KCNIP4: variants seen among roughly 807,000 people sequenced by gnomAD.
The protein encoded by KCNIP4 is potassium voltage-gated channel interacting protein 4.
In KCNIP4, 12 loss-of-function variants were observed where a neutral mutation model predicts 34.0. The observed-to-expected ratio is 0.35, with a 90% confidence interval of 0.23 to 0.57. The LOEUF is 0.57. KCNIP4 is among the 20% of genes least tolerant of loss of function. KCNIP4 has a pLI of 0.83. For synonymous variants in KCNIP4, 124 were observed against 102.2 expected, an observed-to-expected ratio of 1.21 and a Z score of -1.29; for missense variants, 238 against 311.7, an observed-to-expected ratio of 0.76 and a Z score of 1.78.
intron 1 of KCNIP4, among the ~76,000 whole-genome samples, chr4:21,394,955 AAGCACTGGGCTCAC>A (rs869228804): frequency 7.7e-5 from 1 of 12,966 alleles, no homozygotes; most frequent in South Asian, 2.3e-3. Context: ...CTGGGCTCAC[AAGCACTGGGCTCAC>A]AAAGACTAAG....
intron 1 of KCNIP4, among the ~76,000 whole-genome samples, chr4:21,150,433 C>T (rs1013172311): frequency 2.1e-5 from 3 of 144,846 alleles, no homozygotes; most frequent in African/African-American, 8.7e-5. Flanking sequence ...TGGGATGGCT[C>T]CCCTGACTGT....
intron 1 of KCNIP4, among the ~76,000 whole-genome samples, chr4:21,638,907 G>C (rs557678359): frequency 1.3e-5 from 2 of 152,078 alleles, no homozygotes; most frequent in African/African-American, 4.8e-5. Flanking sequence ...AAGGTATCCA[G>C]GTGTGTTCTG....
chr4:20,956,831 T>C (rs1220147636), intron 1 of KCNIP4, among the ~76,000 whole-genome samples: 1 of 152,196 alleles, frequency 6.6e-6, no homozygotes, highest in Non-Finnish European at 1.5e-5. Context: ...TAGCTTTTAA[T>C]AGAACTGAAT....
intron 1 of KCNIP4, among the ~76,000 whole-genome samples, chr4:21,515,238 T>G (rs1734657896): frequency 6.6e-6 from 1 of 152,186 alleles, no homozygotes; most frequent in African/African-American, 2.4e-5. Flanking sequence ...ACTTCTGTAC[T>G]GCCATACTCA....
chr4:21,505,196 T>C (rs1450215165), intron 1 of KCNIP4, among the ~76,000 whole-genome samples: 1 of 152,110 alleles, frequency 6.6e-6, no homozygotes, highest in Non-Finnish European at 1.5e-5. Flanking sequence ...GTTCTTGAAC[T>C]GGTTCTGTGA....
intron 1 of KCNIP4, among the ~76,000 whole-genome samples, chr4:21,025,473 TGAGAGAGAGAGAGAGA>T (rs33926876): frequency 0.35 from 33,300 of 94,932 alleles, 5,261 homozygotes; most frequent in South Asian, 0.45. Flanking sequence ...TGAAAACAAC[TGAGAGAGAGAGAGAGA>T]GAGAGAGAGA....
At chr4:21,174,886 A>T (rs2109306171) in intron 1 of KCNIP4, among the ~76,000 whole-genome samples, 1 of 147,904 alleles carries the variant, frequency 6.8e-6, no homozygotes, top group African/African-American at 2.5e-5. Flanking sequence ...TGGGTGACAG[A>T]GCGAGACACT....
At position 21,353,950 on chromosome 4, in the gene KCNIP4, T is replaced by C. The variant is rs542209897; in HGVS notation, c.62-471241A>G. ...GCCCATTAGACTAACAGTGGATCTCTTGGCAGAAACCCTACAACCCAGAAG... is the reference window on the plus strand; with the variant it reads ...GCCCATTAGACTAACAGTGGATCTCCTGGCAGAAACCCTACAACCCAGAAG... On this transcript the variant is annotated intron_variant, in intron 1 of 8. Coordinates refer to ENST00000382152, the MANE Select transcript of KCNIP4 (RefSeq NM_025221.6). Among the ~76,000 whole-genome samples the C allele has an allele frequency of 5.3e-5, 8 of 152,318 alleles. No homozygotes were observed. The East Asian group carries it at 1.2e-3, about 22-fold the overall frequency.
At chr4:21,215,307 G>A (rs976625664) in intron 1 of KCNIP4, among the ~76,000 whole-genome samples, 1 of 151,934 alleles carries the variant, frequency 6.6e-6, no homozygotes, top group African/African-American at 2.4e-5. Context: ...AAGTCATACA[G>A]CTTTGTTGGA....
intron 1 of KCNIP4, among the ~76,000 whole-genome samples, chr4:21,111,870 C>CTTAT: frequency 6.6e-6 from 1 of 152,170 alleles, no homozygotes; most frequent in African/African-American, 2.4e-5. Context: ...GGTCCTGGCA[C>CTTAT]TACATAAGCT....
intron 1 of KCNIP4, among the ~76,000 whole-genome samples, chr4:21,494,131 T>C (rs1237318122): frequency 6.6e-6 from 1 of 152,170 alleles, no homozygotes. Context: ...ACCTTGTCAG[T>C]CAGCACACTA....
intron 1 of KCNIP4, among the ~76,000 whole-genome samples, chr4:21,576,369 C>A (rs116009448): frequency 2.0e-5 from 3 of 152,088 alleles, no homozygotes; most frequent in African/African-American, 7.3e-5. Context: ...ACCAAGGTCA[C>A]GTCGGCACTA....
At chr4:21,505,272 G>GA (rs5856639) in intron 1 of KCNIP4, among the ~76,000 whole-genome samples, 173 of 145,104 alleles carry the variant, frequency 1.2e-3, no homozygotes, top group Middle Eastern at 3.6e-3. Context: ...AGTACTACAG[G>GA]AAAAAAAAAA....
At chr4:21,639,215 A>G (rs749189838) in intron 1 of KCNIP4, among the ~76,000 whole-genome samples, 1 of 152,164 alleles carries the variant, frequency 6.6e-6, no homozygotes, top group Non-Finnish European at 1.5e-5. Context: ...TATGCTGCCA[A>G]TCAAATGAAG....
chr4:21,064,425 C>T (rs1238183009), intron 1 of KCNIP4, among the ~76,000 whole-genome samples: 5 of 151,656 alleles, frequency 3.3e-5, no homozygotes, highest in Admixed American at 1.3e-4. Context: ...AAAGAAAATG[C>T]TGCAATAGTA....
At chr4:20,850,150 A>T (rs940221124) in intron 3 of KCNIP4, among the ~76,000 whole-genome samples, 1 of 152,214 alleles carries the variant, frequency 6.6e-6, no homozygotes, top group African/African-American at 2.4e-5. Context: ...TTATCCTCCA[A>T]TTCCAGGAAT....
chr4:20,743,305 T>C (rs1175095639), intron 5 of KCNIP4, among the ~76,000 whole-genome samples: 1 of 152,174 alleles, frequency 6.6e-6, no homozygotes, highest in Non-Finnish European at 1.5e-5. Flanking sequence ...AGAGCCCACA[T>C]TGCCAAGTCA....
chr4:21,748,820 A>T (rs1253424316), intron 1 of KCNIP4, among the ~76,000 whole-genome samples: 1 of 152,130 alleles, frequency 6.6e-6, no homozygotes, highest in Non-Finnish European at 1.5e-5. Flanking sequence ...AAAAATAAAA[A>T]GTTAGGGACA....
chr4:21,466,607 A>G (rs1242841815), intron 1 of KCNIP4, among the ~76,000 whole-genome samples: 1 of 152,200 alleles, frequency 6.6e-6, no homozygotes, highest in Non-Finnish European at 1.5e-5. Flanking sequence ...AGAGAATGAG[A>G]GACAGCAAGA....
Sources: gnomAD v4.1 joint callset for allele counts (sites outside exome capture counted in the v4.1 genomes callset) on GRCh38, gnomAD v4.1.1 for gene constraint, MANE v1.5 for transcripts, NCBI Gene and HGNC (gene_info 2026-07-23, HGNC 2026-07-21) for gene names.